Variants in MAB21L3 observed in about 807,000 individuals in gnomAD.
MAB21L3 encodes mab-21 like 3, also known as protein mab-21-like 3.
In MAB21L3, 36 loss-of-function variants were observed where a neutral mutation model predicts 37.7. That is an observed-to-expected ratio of 0.96 (90% CI 0.73 to 1.26). The LOEUF is 1.26. MAB21L3 is among the 50% of genes most tolerant of loss of function. MAB21L3 has a pLI of 0.00. For missense variants in MAB21L3, 430 were observed against 447.3 expected, an observed-to-expected ratio of 0.96 and a Z score of 0.35; for synonymous variants, 186 against 176.8, an observed-to-expected ratio of 1.05 and a Z score of -0.41.
chr1:116,119,389 G>C (rs779543373), intron 3 of MAB21L3, among the ~76,000 whole-genome samples: 2 of 148,888 alleles, frequency 1.3e-5, no homozygotes, highest in Non-Finnish European at 3.0e-5. Flanking sequence ...TTGGCTTGCT[G>C]GTTGATGAGA....
intron 3 of MAB21L3, among the ~76,000 whole-genome samples, chr1:116,118,172 A>G (rs115094313): frequency 0.015 from 2,358 of 152,254 alleles, 67 homozygotes; most frequent in African/African-American, 0.053. Flanking sequence ...GCAAGAGGTC[A>G]GGAGATTGAC....
intron 3 of MAB21L3, among the ~76,000 whole-genome samples, chr1:116,118,241 G>T (rs1010130381): frequency 6.6e-5 from 10 of 152,082 alleles, no homozygotes; most frequent in Admixed American, 5.9e-4. Context: ...AATTAGCCAG[G>T]TGTGGTGGCA....
chr1:116,121,318 G>A (rs1193945759), intron 4 of MAB21L3, among the ~76,000 whole-genome samples: 5 of 152,182 alleles, frequency 3.3e-5, no homozygotes, highest in African/African-American at 9.7e-5. Flanking sequence ...TTGAGGCCAA[G>A]AGTTTGAGAC....
chr1:116,120,816 T>G, intron 3 of MAB21L3, 116 bp from the exon 4 acceptor site: 4 of 1,337,560 alleles, frequency 3.0e-6, no homozygotes, highest in Non-Finnish European at 3.1e-6. Flanking sequence ...GCAGGATTTT[T>G]GAGCTGAACT....
Position 116,133,258 on chromosome 1 carries a change from T to C in MAB21L3, c.982T>C (p.Phe328Leu). ...CVSQHFLKHY[F>L]VRNSNLFQCT... The stretch of plus-strand genomic sequence containing the variant: ...GAGCCAGCACTTCCTGAAACACTAT[T>C]TCGTCCGGAACAGCAACCTCTTTCA... The change falls in exon 8 of 8, where the codon TTC (phenylalanine) becomes CTC (leucine). Residue 328 changes from phenylalanine (F) to leucine (L), a missense_variant. Phe to Leu is a conservative substitution (Grantham distance 22). Coordinates refer to ENST00000369500, the MANE Select transcript of MAB21L3 (RefSeq NM_152367.3). 1 of 1,614,128 alleles carries C rather than the reference T, an allele frequency of 6.2e-7. No homozygotes were observed. The highest frequency in any genetic ancestry group is 8.5e-7 in the Non-Finnish European group (1 of 1,180,026).
chr1:116,126,845 T>C (rs1222156856), intron 5 of MAB21L3, among the ~76,000 whole-genome samples: 1 of 152,206 alleles, frequency 6.6e-6, no homozygotes, highest in Non-Finnish European at 1.5e-5. Context: ...GTGATACATG[T>C]TTAGTAGAAC....
rs764166141 is a variant in MAB21L3 at position 116,128,189 on chromosome 1, G to A, written c.705G>A (p.Gln235=). Residue 235 remains glutamine, a synonymous_variant, in exon 7 of 8, where the codon CAG becomes CAA. Coordinates refer to ENST00000369500, the MANE Select transcript of MAB21L3 (RefSeq NM_152367.3). ...TGGCCTGTTCAAATTATCACTGGCA[G>A]CTGAGCTTCCTCCGTGCTGAGCAGG... ...NLLACSNYHW[Q]LSFLRAEQVL... The A allele has an allele frequency of 1.2e-6, 2 of 1,613,836 alleles. No homozygotes were observed. The highest frequency in any genetic ancestry group is 1.1e-5 in the South Asian group (1 of 90,954).
At position 116,134,165 on chromosome 1, in the gene MAB21L3, G is replaced by A. The variant is rs981498365; in HGVS notation, c.*800G>A. 6 of 152,336 alleles carry A rather than the reference G, an allele frequency of 3.9e-5. No homozygotes were observed. Among genetic ancestry groups the A allele is most frequent in the African/African-American group, 1.2e-4 (5 of 41,460 alleles). 9.4% of individuals were successfully genotyped at this position (152,336 alleles called of 1,614,324 possible). ...CCTCTCTTTGCTTCCCATGCCATGG[G>A]CCATGGATGGAACTTCCTTATATAT... On this transcript the variant is annotated 3_prime_UTR_variant, in exon 8 of 8. Transcript: ENST00000369500.
At position 116,127,593 on chromosome 1, in the gene MAB21L3, G is replaced by T. The variant is rs766578799; in HGVS notation, c.609G>T (p.Trp203Cys). 6.8e-6 allele frequency: 11 copies of T among 1,614,146 alleles called. No homozygotes were observed. The South Asian group carries it at 1.1e-4, about 16-fold the overall frequency. The change falls in exon 6 of 8, where the codon TGG (tryptophan) becomes TGT (cysteine). Residue 203 changes from tryptophan to cysteine, a missense_variant. Trp to Cys is a radical substitution (Grantham distance 215). Transcript: ENST00000369500. ...IPTTWSKKAR[W>C]PRCLQRWPSQ... ...CCACCTGGTCCAAGAAAGCCCGGTG[G>T]CCTCGATGTCTGCAGCGCTGGCCTT...
rs1660212527 is a variant in MAB21L3, at chr1:116,137,022, C to T, written c.*3657C>T. 9.1e-6 allele frequency among the ~76,000 whole-genome samples: 1 copy of T among 110,382 alleles called. No individual in the cohort carries two copies. The highest frequency in any genetic ancestry group is 1.7e-5 in the Non-Finnish European group (1 of 58,216). The allele number at this position is 110,382 out of a possible 152,430, so 72.4% of individuals were successfully genotyped here. ...CGTTAGACCTAAAACCATAAAAACCCTAGAAGAAAACCTAGGCATTACCAT... is the reference window on the plus strand; with the variant it reads ...CGTTAGACCTAAAACCATAAAAACCTTAGAAGAAAACCTAGGCATTACCAT... On this transcript the variant is annotated 3_prime_UTR_variant, in exon 8 of 8. Coordinates refer to ENST00000369500, the MANE Select transcript of MAB21L3 (RefSeq NM_152367.3).
At chr1:116,111,887 T>C (rs1659432846) in intron 2 of MAB21L3, 77 bp downstream of exon 2, 1 of 152,844 alleles carries the variant, frequency 6.5e-6, no homozygotes, top group Non-Finnish European at 1.5e-5. Context: ...TGTGTGCCTG[T>C]GTATATGTGT....
intron 3 of MAB21L3, 97 bp downstream of exon 3, chr1:116,112,760 G>T: frequency 7.8e-7 from 1 of 1,289,022 alleles, no homozygotes; most frequent in South Asian, 1.2e-5. Context: ...TCTTTCTAAA[G>T]ACACATAAAA....
At chr1:116,115,369 C>T (rs1452954995) in intron 3 of MAB21L3, among the ~76,000 whole-genome samples, 1 of 152,128 alleles carries the variant, frequency 6.6e-6, no homozygotes, top group Non-Finnish European at 1.5e-5. Context: ...TGGTCTCGTG[C>T]GTATCTATCA....
intron 3 of MAB21L3, among the ~76,000 whole-genome samples, chr1:116,120,431 A>ACAGAC (rs59347820): frequency 6.0e-5 from 8 of 133,098 alleles, no homozygotes; most frequent in African/African-American, 3.1e-4. Flanking sequence ...ACACACACAC[A>ACAGAC]AACACACACA....
At position 116,123,954 on chromosome 1, in the gene MAB21L3, G is replaced by A. The variant is rs549053824; in HGVS notation, c.190-112G>A. The A allele has an allele frequency of 2.6e-5, 28 of 1,063,976 alleles. No homozygotes were observed. The Admixed American group carries it at 4.0e-4, about 15-fold the overall frequency. 65.9% of individuals were successfully genotyped at this position (1,063,976 alleles called of 1,614,324 possible). On this transcript the variant is annotated intron_variant, in intron 4 of 7. Coordinates refer to ENST00000369500, the MANE Select transcript of MAB21L3 (RefSeq NM_152367.3). ...TCTCCGTGTATCTGGTCACTCTGCT[G>A]AGGGTGGAGTGGTTAACAGAGCTGC...
intron 7 of MAB21L3, among the ~76,000 whole-genome samples, chr1:116,132,520 G>C (rs994069553): frequency 2.0e-5 from 3 of 152,142 alleles, no homozygotes; most frequent in Non-Finnish European, 4.4e-5. Context: ...GGATTAATGA[G>C]AGAAGAATCC....
At chr1:116,123,819 G>A (rs1659818067) in intron 4 of MAB21L3, 5 of 449,530 alleles carry the variant, frequency 1.1e-5, no homozygotes, top group Non-Finnish European at 2.0e-5. Context: ...GTCTTTACTT[G>A]TATATTCATG....
rs1366807732 is a variant in MAB21L3, at chr1:116,135,803, G to C, written c.*2438G>C. ...CCATGATCAAGTGGGCTTCATCCCTGGGATGCAAGGCTGGTTCAATATACG... is the reference window on the plus strand; with the variant it reads ...CCATGATCAAGTGGGCTTCATCCCTCGGATGCAAGGCTGGTTCAATATACG... On this transcript the variant is annotated 3_prime_UTR_variant, in exon 8 of 8. Transcript: ENST00000369500. Among the ~76,000 whole-genome samples, 5 of 151,452 alleles carry C rather than the reference G, an allele frequency of 3.3e-5. No individual in the cohort carries two copies. The highest frequency in any genetic ancestry group is 7.4e-5 in the Non-Finnish European group (5 of 67,626).
In MAB21L3 at chr1:116,136,513, T is replaced by A. The variant is rs1276505292; in HGVS notation, c.*3148T>A. Among the ~76,000 whole-genome samples the A allele has an allele frequency of 1.3e-5, 2 of 152,182 alleles. No homozygotes were observed. The highest frequency in any genetic ancestry group is 3.4e-3 in the Middle Eastern group (1 of 294). On this transcript the variant is annotated 3_prime_UTR_variant, in exon 8 of 8. Coordinates refer to ENST00000369500, the MANE Select transcript of MAB21L3 (RefSeq NM_152367.3). The stretch of plus-strand genomic sequence containing the variant: ...TGGAAGAACATTCCATGCTCATGGG[T>A]AGGAAGAATCAATATCGTCAAAATG...
Sources: gnomAD v4.1 joint callset for allele counts (sites outside exome capture counted in the v4.1 genomes callset) on GRCh38, gnomAD v4.1.1 for gene constraint, MANE v1.5 for transcripts, NCBI Gene and HGNC (gene_info 2026-07-23, HGNC 2026-07-21) for gene names.